Variants in NOS1AP observed in about 807,000 individuals in gnomAD.
NOS1AP encodes carboxyl-terminal PDZ ligand of neuronal nitric oxide synthase protein.
NOS1AP carries 21 observed loss-of-function variants against 56.2 expected under a neutral mutation model. The ratio of observed to expected loss-of-function variants is 0.37; its 90% CI spans 0.26 to 0.54. The LOEUF is 0.54. Ranked by LOEUF, NOS1AP falls within the 20% of genes least tolerant of loss-of-function variation. The pLI, the probability that NOS1AP is intolerant of heterozygous loss-of-function variation, is 0.84. For missense variants in NOS1AP, 522 were observed against 657.8 expected (o/e 0.79, Z 2.26); for synonymous variants, 270 against 274.6 (o/e 0.98, Z 0.17).
At chr1:162,310,691 C>G (rs1035352445) in intron 4 of NOS1AP, among the ~76,000 whole-genome samples, 16 of 152,168 alleles carry the variant, frequency 1.1e-4, no homozygotes, top group African/African-American at 3.9e-4. Context: ...TCTGTTAGTT[C>G]CCAGGGCTAC....
chr1:162,111,701 G>A (rs1418915626), intron 1 of NOS1AP, among the ~76,000 whole-genome samples: 1 of 152,180 alleles, frequency 6.6e-6, no homozygotes, highest in Non-Finnish European at 1.5e-5. Context: ...CATACAGAGA[G>A]GTCAATGCCT....
chr1:162,119,950 A>G (rs1212143728), intron 1 of NOS1AP, among the ~76,000 whole-genome samples: 1 of 152,214 alleles, frequency 6.6e-6, no homozygotes, highest in African/African-American at 2.4e-5. Flanking sequence ...GTATATGGCC[A>G]AAGTGACAAG....
At chr1:162,271,138 G>C (rs891221954) in intron 2 of NOS1AP, among the ~76,000 whole-genome samples, 2 of 152,004 alleles carry the variant, frequency 1.3e-5, no homozygotes, top group Admixed American at 1.3e-4. Context: ...AAATGGTCGT[G>C]GGGGGTGTGC....
intron 1 of NOS1AP, among the ~76,000 whole-genome samples, chr1:162,076,541 A>C (rs535341554): frequency 2.0e-5 from 3 of 152,308 alleles, no homozygotes; most frequent in South Asian, 2.1e-4. Flanking sequence ...CCAGCACCAC[A>C]GTCAATTTTA....
chr1:162,184,874 A>G (rs1185678000), intron 2 of NOS1AP, among the ~76,000 whole-genome samples: 3 of 152,218 alleles, frequency 2.0e-5, no homozygotes, highest in Non-Finnish European at 2.9e-5. Context: ...ATTATTTTCT[A>G]TTGCTGCTGT....
At chr1:162,277,461 C>T (rs1276085632) in intron 2 of NOS1AP, among the ~76,000 whole-genome samples, 2 of 152,214 alleles carry the variant, frequency 1.3e-5, no homozygotes, top group African/African-American at 4.8e-5. Context: ...GTTCTGCCTA[C>T]TGTAGTTTCT....
chr1:162,321,624 C>T (rs899220906), intron 4 of NOS1AP, among the ~76,000 whole-genome samples: 2 of 151,040 alleles, frequency 1.3e-5, no homozygotes, highest in Admixed American at 6.6e-5. Flanking sequence ...ATGTAAATGA[C>T]GAGTTCATGG....
intron 4 of NOS1AP, among the ~76,000 whole-genome samples, chr1:162,307,752 A>G (rs903766309): frequency 1.3e-5 from 2 of 151,992 alleles, no homozygotes; most frequent in Admixed American, 1.3e-4. Flanking sequence ...CAGAGCTTGC[A>G]GTGAGCTGAG....
chr1:162,147,568 A>G (rs1322129697), intron 1 of NOS1AP, among the ~76,000 whole-genome samples: 1 of 152,174 alleles, frequency 6.6e-6, no homozygotes, highest in Non-Finnish European at 1.5e-5. Flanking sequence ...TGGTGTCTTC[A>G]GAAGTTAATC....
chr1:162,236,512 G>A (rs976225879), intron 2 of NOS1AP, among the ~76,000 whole-genome samples: 3 of 152,228 alleles, frequency 2.0e-5, no homozygotes, highest in Non-Finnish European at 4.4e-5. Context: ...TTCTACTCCC[G>A]TCCATCAGTC....
chr1:162,223,827 C>A (rs1652859853), intron 2 of NOS1AP, among the ~76,000 whole-genome samples: 1 of 151,984 alleles, frequency 6.6e-6, no homozygotes, highest in Non-Finnish European at 1.5e-5. Flanking sequence ...CAAAAGGAAG[C>A]CTAAGATGAC....
intron 1 of NOS1AP, among the ~76,000 whole-genome samples, chr1:162,081,208 A>C (rs1691878478): frequency 6.6e-6 from 1 of 152,092 alleles, no homozygotes; most frequent in Admixed American, 6.5e-5. Flanking sequence ...TTTTCAGAGG[A>C]GGGTCTTTTA....
chr1:162,124,241 C>CACTAG (rs1558110135), intron 1 of NOS1AP, among the ~76,000 whole-genome samples: 1 of 151,894 alleles, frequency 6.6e-6, no homozygotes, highest in African/African-American at 2.4e-5. Flanking sequence ...TAGTGTACAT[C>CACTAG]GTACTCACTA....
intron 2 of NOS1AP, among the ~76,000 whole-genome samples, chr1:162,227,659 T>G (rs988453427): frequency 1.8e-4 from 27 of 152,232 alleles, no homozygotes; most frequent in African/African-American, 6.3e-4. Context: ...TCTTATGTTT[T>G]GTTGTCCGTT....
Position 162,308,891 on chromosome 1 carries a change from C to A in NOS1AP, c.344+8185C>A, listed in dbSNP as rs185453371. 1.9e-4 allele frequency among the ~76,000 whole-genome samples: 29 copies of A among 152,310 alleles called. No homozygotes were observed. The East Asian group carries it at 5.4e-3, about 28-fold the overall frequency. On this transcript the variant is annotated intron_variant, in intron 4 of 9. Transcript: ENST00000361897. Reference sequence around the variant, plus strand: ...AATGGTAGAATCTATCATTCTCATTCTTAAGACAGAAATTAAGCTTCAGTG... The same window carrying A: ...AATGGTAGAATCTATCATTCTCATTATTAAGACAGAAATTAAGCTTCAGTG...
chr1:162,342,447 G>T, intron 5 of NOS1AP: 1 of 459,640 alleles, frequency 2.2e-6, no homozygotes, highest in Non-Finnish European at 4.5e-6. Context: ...AATGACTCCA[G>T]GCTTGAGGAG....
intron 7 of NOS1AP, among the ~76,000 whole-genome samples, chr1:162,356,294 G>T (rs1000724458): frequency 1.3e-5 from 2 of 152,224 alleles, no homozygotes; most frequent in Non-Finnish European, 2.9e-5. Flanking sequence ...TGGTAAAAAT[G>T]TCCACAGGAG....
chr1:162,155,289 C>CATATATGT (rs1557808096), intron 2 of NOS1AP, among the ~76,000 whole-genome samples: 8 of 142,016 alleles, frequency 5.6e-5, no homozygotes, highest in South Asian at 2.2e-4. Context: ...CACATATATA[C>CATATATGT]ATATATATGT....
At position 162,188,534 on chromosome 1, in the gene NOS1AP, C is replaced by T. The variant is rs148188545; in HGVS notation, c.177+34058C>T. Among the ~76,000 whole-genome samples, 131 of 152,246 alleles carry T rather than the reference C, an allele frequency of 8.6e-4. No homozygotes were observed. Among genetic ancestry groups the T allele is most frequent in the African/African-American group, 3.0e-3 (125 of 41,540 alleles). On this transcript the variant is annotated intron_variant, in intron 2 of 9. Coordinates refer to ENST00000361897, the MANE Select transcript of NOS1AP (RefSeq NM_014697.3). The surrounding 1 kb of genome is among the most constrained non-coding windows in gnomAD (Gnocchi z 4.0). ...GATATATGCCACACAGCCTACAACTCGACTCTGGCAAATGTTGAAAGTGCC... is the reference window on the plus strand; with the variant it reads ...GATATATGCCACACAGCCTACAACTTGACTCTGGCAAATGTTGAAAGTGCC...
Sources: gnomAD v4.1 joint callset for allele counts (sites outside exome capture counted in the v4.1 genomes callset) on GRCh38, gnomAD v4.1.1 for gene constraint, Gnocchi (gnomAD v3.1) non-coding constraint, MANE v1.5 for transcripts, NCBI Gene and HGNC (gene_info 2026-07-23, HGNC 2026-07-21) for gene names.